Variants in CNTNAP5 observed in about 807,000 individuals in gnomAD.
The protein encoded by CNTNAP5 is contactin associated protein family member 5, also known as contactin-associated protein-like 5.
Under a neutral mutation model 150.2 loss-of-function variants are expected in CNTNAP5, and 72 were observed. That is an observed-to-expected ratio of 0.48 (90% CI 0.40 to 0.58). The LOEUF is 0.58. CNTNAP5 is among the 20% of genes least tolerant of loss of function. CNTNAP5 has a pLI of 0.00. For missense variants in CNTNAP5, 1,636 were observed against 1,626.2 expected, an observed-to-expected ratio of 1.01 and a Z score of -0.10; for synonymous variants, 672 against 619.8, an observed-to-expected ratio of 1.08 and a Z score of -1.25.
At position 124,537,929 on chromosome 2, in the gene CNTNAP5, T is replaced by G. The variant is rs114568263; in HGVS notation, c.1649+10473T>G. Among the ~76,000 whole-genome samples, 1,328 of 152,266 alleles carry G rather than the reference T, an allele frequency of 8.7e-3. 14 individuals carry two copies. Among genetic ancestry groups the G allele is most frequent in the African/African-American group, 0.03 (1,263 of 41,564 alleles). ...AACACGGAGGGCTGAGCAAGCCAGG[T>G]TGGCACTTCATTTTGGCCCACCAGA... On this transcript the variant is annotated intron_variant, in intron 10 of 23. Transcript: ENST00000682447.
At chr2:124,625,032 G>A (rs747175976) in intron 12 of CNTNAP5, among the ~76,000 whole-genome samples, 2 of 152,130 alleles carry the variant, frequency 1.3e-5, no homozygotes, top group African/African-American at 2.4e-5. Context: ...GGAAGCTATG[G>A]GTGAGGTTGT....
chr2:124,060,479 GT>G (rs1231328701), intron 1 of CNTNAP5, among the ~76,000 whole-genome samples: 5 of 152,314 alleles, frequency 3.3e-5, no homozygotes, highest in Middle Eastern at 3.4e-3. Flanking sequence ...TTACGGAAAA[GT>G]CCCAGCAGAA....
chr2:124,179,438 G>A (rs1685156468), intron 1 of CNTNAP5, among the ~76,000 whole-genome samples: 1 of 152,196 alleles, frequency 6.6e-6, no homozygotes, highest in Non-Finnish European at 1.5e-5. Context: ...GGGATTACAG[G>A]CGTGAAGCAT....
chr2:124,306,816 C>A (rs1342835764), intron 3 of CNTNAP5, among the ~76,000 whole-genome samples: 1 of 150,092 alleles, frequency 6.7e-6, no homozygotes, highest in East Asian at 2.0e-4. Flanking sequence ...CAACCTCCGC[C>A]TCCCAGGTTC....
chr2:124,692,006 C>T (rs1055632600), intron 13 of CNTNAP5, among the ~76,000 whole-genome samples: 32 of 152,014 alleles, frequency 2.1e-4, no homozygotes, highest in African/African-American at 7.2e-4. Context: ...TACTTTTGTG[C>T]TCTTGGTATC....
chr2:124,656,002 G>GAAAGAAA (rs1491550991), intron 13 of CNTNAP5, among the ~76,000 whole-genome samples: 6 of 86,426 alleles, frequency 6.9e-5, no homozygotes, highest in Admixed American at 1.2e-4. Flanking sequence ...AAAGAAAAAA[G>GAAAGAAA]GAAGGAAGGA....
At chr2:124,283,039 A>G (rs1688055805) in intron 3 of CNTNAP5, among the ~76,000 whole-genome samples, 1 of 148,794 alleles carries the variant, frequency 6.7e-6, no homozygotes, top group Admixed American at 6.7e-5. Flanking sequence ...CATGAAAACC[A>G]TTCTCAGGAT....
At chr2:124,130,768 C>T (rs1683825150) in intron 1 of CNTNAP5, among the ~76,000 whole-genome samples, 1 of 152,090 alleles carries the variant, frequency 6.6e-6, no homozygotes, top group Admixed American at 6.6e-5. Flanking sequence ...TACTAGGCCA[C>T]CAACCCTAAT....
chr2:124,145,811 T>TTAAAAAAAAAAAAAAAAAAAAAAAAA, intron 1 of CNTNAP5, among the ~76,000 whole-genome samples: 1 of 12,790 alleles, frequency 7.8e-5, no homozygotes. Flanking sequence ...AAAAAAAACA[T>TTAAAAAAAAAAAAAAAAAAAAAAAAA]TAAAAAAAAA....
At chr2:124,790,366 C>T (rs959446228) in intron 18 of CNTNAP5, among the ~76,000 whole-genome samples, 2 of 152,154 alleles carry the variant, frequency 1.3e-5, no homozygotes, top group East Asian at 3.9e-4. Flanking sequence ...AAACACCCTG[C>T]CCACGGCCAA....
At chr2:124,113,759 T>A (rs1316207517) in intron 1 of CNTNAP5, among the ~76,000 whole-genome samples, 2 of 152,030 alleles carry the variant, frequency 1.3e-5, no homozygotes, top group Non-Finnish European at 2.9e-5. Context: ...AGAAGCCTTA[T>A]TGTTTTACCT....
At position 124,812,367 on chromosome 2, in the gene CNTNAP5, C is replaced by G. The variant is rs1573634076; in HGVS notation, c.3217+14047C>G. ...TAAAATTTGAAGTCCCCCAACCCCC[C>G]AGTGATCAGAGTGGAATCCCTCCTT... On this transcript the variant is annotated intron_variant, in intron 19 of 23. Coordinates refer to ENST00000682447, the MANE Select transcript of CNTNAP5 (RefSeq NM_001367498.1). 2.0e-5 allele frequency among the ~76,000 whole-genome samples: 3 copies of G among 150,898 alleles called. No individual in the cohort carries two copies. In the Admixed American group the frequency reaches 2.0e-4, roughly 10 times the overall value.
intron 2 of CNTNAP5, among the ~76,000 whole-genome samples, chr2:124,225,348 A>T (rs933450069): frequency 3.3e-5 from 5 of 152,136 alleles, no homozygotes; most frequent in African/African-American, 1.2e-4. Context: ...CACCCAAGTG[A>T]TCTGAATCTG....
At position 124,914,080 on chromosome 2, in the gene CNTNAP5, C is replaced by G. The variant is rs1308125079; in HGVS notation, c.3728-12C>G. The G allele has an allele frequency of 6.2e-6, 10 of 1,600,402 alleles. No individual in the cohort carries two copies. Among genetic ancestry groups the G allele is most frequent in the Non-Finnish European group, 8.5e-6 (10 of 1,169,850 alleles). The stretch of plus-strand genomic sequence containing the variant: ...CGATTTCCTTCTCTCTTTCCTTCCC[C>G]TTTCTCTCCAGGGGTGATAGCAGTG... On this transcript the variant is annotated splice_polypyrimidine_tract_variant and intron_variant, in intron 23 of 23. Transcript: ENST00000682447.
intron 1 of CNTNAP5, among the ~76,000 whole-genome samples, chr2:124,048,837 A>G (rs951640055): frequency 6.6e-6 from 1 of 152,230 alleles, no homozygotes; most frequent in Non-Finnish European, 1.5e-5. Flanking sequence ...TCATAAGTAT[A>G]CAGCAGAAAT....
intron 19 of CNTNAP5, among the ~76,000 whole-genome samples, chr2:124,802,584 C>T (rs1369459024): frequency 2.6e-5 from 4 of 152,158 alleles, no homozygotes; most frequent in South Asian, 2.1e-4. Flanking sequence ...TGAGTCTGGA[C>T]GGTTGGAGGA....
chr2:124,746,259 T>G (rs1263411476), intron 13 of CNTNAP5, among the ~76,000 whole-genome samples: 2 of 152,192 alleles, frequency 1.3e-5, no homozygotes, highest in East Asian at 3.9e-4. Context: ...TTGTTTTGGA[T>G]GCAGTATCAC....
In CNTNAP5 at chr2:124,743,044, C is replaced by T. The variant is rs951727405; in HGVS notation, c.2078-4185C>T. Among the ~76,000 whole-genome samples the T allele has an allele frequency of 2.0e-5, 3 of 152,302 alleles. No homozygotes were observed. The South Asian group carries it at 6.2e-4, about 32-fold the overall frequency. ...CTACCGCGGAGAGATATATATGTCA[C>T]ATGCAGGCAGCTGGGGGATAGACAG... On this transcript the variant is annotated intron_variant, in intron 13 of 23. Coordinates refer to ENST00000682447, the MANE Select transcript of CNTNAP5 (RefSeq NM_001367498.1).
chr2:124,418,832 G>A (rs1282496061), intron 4 of CNTNAP5, among the ~76,000 whole-genome samples: 1 of 152,052 alleles, frequency 6.6e-6, no homozygotes, highest in South Asian at 2.1e-4. Context: ...TCACTGCTAG[G>A]TTATTTTAAA....
Sources: allele counts gnomAD v4.1 joint callset (sites outside exome capture counted in the v4.1 genomes callset), GRCh38; gene constraint gnomAD v4.1.1; transcripts MANE v1.5; gene names NCBI Gene and HGNC (gene_info 2026-07-23, HGNC 2026-07-21).